Variants in TTC34 observed in about 807,000 individuals in gnomAD.
The protein encoded by TTC34 is tetratricopeptide repeat domain 34.
TTC34 carries 44 observed loss-of-function variants against 40.7 expected under a neutral mutation model. The observed-to-expected ratio is 1.08, with a 90% confidence interval of 0.85 to 1.39. The LOEUF (loss-of-function observed/expected upper bound fraction) is 1.39. TTC34 is among the 40% of genes most tolerant of loss of function. The pLI is 0.00. For missense variants in TTC34, 884 were observed against 838.0 expected, an observed-to-expected ratio of 1.05 and a Z score of -0.68; for synonymous variants, 422 against 398.6, an observed-to-expected ratio of 1.06 and a Z score of -0.70.
chr1:2,751,269 C>G lies in TTC34; in HGVS notation c.2226+32340G>C, dbSNP rs1420295031. On this transcript the variant is annotated intron_variant, in intron 6 of 8. Transcript: ENST00000401095. ...ACACCCCCAGTGAGCATCCGACAGC[C>G]TGGAACAGCACCCACACACCCAGGT... Among the ~76,000 whole-genome samples the G allele has an allele frequency of 3.4e-5, 4 of 119,330 alleles. 1 individual carries two copies. Among genetic ancestry groups the G allele is most frequent in the Non-Finnish European group, 6.8e-5 (4 of 58,480 alleles). 78.3% of individuals were successfully genotyped at this position (119,330 alleles called of 152,430 possible).
chr1:2,792,522 G>T (rs551990260), intron 2 of TTC34, among the ~76,000 whole-genome samples: 1 of 152,322 alleles, frequency 6.6e-6, no homozygotes, highest in East Asian at 1.9e-4. Context: ...CCTCTGAAGA[G>T]AGCTGAGTTT....
intron 6 of TTC34, among the ~76,000 whole-genome samples, chr1:2,655,118 G>A: frequency 1.3e-5 from 2 of 151,926 alleles, no homozygotes; most frequent in Admixed American, 6.5e-5. Context: ...CCAACAGCCT[G>A]GAACAGCACC....
chr1:2,757,803 C>T (rs1641556010), intron 6 of TTC34, among the ~76,000 whole-genome samples: 1 of 148,528 alleles, frequency 6.7e-6, no homozygotes, highest in Admixed American at 6.7e-5. Context: ...TTCCGGCGAG[C>T]ATCCGACAGC....
chr1:2,798,306 C>T, intron 2 of TTC34, among the ~76,000 whole-genome samples: 1 of 104,646 alleles, frequency 9.6e-6, no homozygotes, highest in African/African-American at 3.9e-5. Context: ...CCTCAGCTCC[C>T]CAGCCCCCCA....
At chr1:2,754,641 G>A (rs1490967603) in intron 6 of TTC34, among the ~76,000 whole-genome samples, 1,251 of 17,612 alleles carry the variant, frequency 0.071, no homozygotes, top group Middle Eastern at 0.15. Context: ...ATCTGACAGC[G>A]TGGAGGAGCA....
intron 6 of TTC34, among the ~76,000 whole-genome samples, chr1:2,687,835 C>G (rs1162553783): frequency 1.3e-5 from 2 of 149,554 alleles, no homozygotes; most frequent in African/African-American, 2.5e-5. Flanking sequence ...TGGTCTGGAG[C>G]ATTACCCACA....
chr1:2,780,882 T>C (rs1357045238), intron 6 of TTC34, among the ~76,000 whole-genome samples: 2 of 152,258 alleles, frequency 1.3e-5, no homozygotes, highest in African/African-American at 4.8e-5. Flanking sequence ...AGTCTTCTAA[T>C]ACATGAACAT....
rs1188960490 is a variant in TTC34 at position 2,648,504 on chromosome 1, CTGT to C, written c.2227-2944_2227-2942del. ...CTCTCAGGTCACAGCTCTTTGCTGC[CTGT>C]TGTTTGGTGCCTGGAAACATTTGCT... On this transcript the variant is annotated intron_variant, in intron 6 of 8. Transcript: ENST00000401095. Among the ~76,000 whole-genome samples the C allele has an allele frequency of 1.4e-4, 21 of 152,266 alleles. No individual in the cohort carries two copies. The East Asian group carries it at 4.0e-3, about 29-fold the overall frequency.
chr1:2,695,682 G>T (rs1183206546), intron 6 of TTC34, among the ~76,000 whole-genome samples: 1 of 150,966 alleles, frequency 6.6e-6, no homozygotes, highest in African/African-American at 2.4e-5. Context: ...ACACCCCCAG[G>T]TGAGCATCTG....
chr1:2,793,676 T>C (rs1052692898), intron 2 of TTC34, among the ~76,000 whole-genome samples: 7 of 152,216 alleles, frequency 4.6e-5, no homozygotes, highest in African/African-American at 1.7e-4. Context: ...CATTGAATAA[T>C]GCTCCTTTTC....
At chr1:2,642,317 G>C (rs1638924292) in intron 8 of TTC34, among the ~76,000 whole-genome samples, 1 of 152,078 alleles carries the variant, frequency 6.6e-6, no homozygotes, top group Non-Finnish European at 1.5e-5. Flanking sequence ...CTCCTCCCTC[G>C]GTCCCTCTGG....
At chr1:2,699,185 C>T (rs949497995) in intron 6 of TTC34, among the ~76,000 whole-genome samples, 1 of 149,318 alleles carries the variant, frequency 6.7e-6, no homozygotes, top group Non-Finnish European at 1.5e-5. Context: ...AGGTGAGCAT[C>T]TGACAACCTG....
intron 6 of TTC34, among the ~76,000 whole-genome samples, chr1:2,750,972 GGT>G: frequency 8.4e-6 from 1 of 118,792 alleles, no homozygotes; most frequent in African/African-American, 3.8e-5. Flanking sequence ...CACACCCCCA[GGT>G]GCGCATGTGA....
At chr1:2,786,408 G>A (rs1643589744) in intron 4 of TTC34, among the ~76,000 whole-genome samples, 1 of 152,222 alleles carries the variant, frequency 6.6e-6, no homozygotes, top group Admixed American at 6.5e-5. Context: ...CATAGGTGGG[G>A]GTCCCACAGC....
intron 6 of TTC34, among the ~76,000 whole-genome samples, chr1:2,675,547 G>T (rs1250135552): frequency 7.9e-6 from 1 of 127,316 alleles, no homozygotes; most frequent in African/African-American, 3.0e-5. Flanking sequence ...GTGACAGCCT[G>T]GAAGAGCACC....
chr1:2,692,482 C>G lies in TTC34; in HGVS notation c.2227-46919G>C, dbSNP rs1450593888. ...CCCACACCCCCAGGTGAGCATCTGA[C>G]AGCCTGGAACAGCAGCCTGCACCCC... On this transcript the variant is annotated intron_variant, in intron 6 of 8. Transcript: ENST00000401095. 3.2e-5 allele frequency among the ~76,000 whole-genome samples: 4 copies of G among 125,862 alleles called. 1 individual carries two copies. Among genetic ancestry groups the G allele is most frequent in the Admixed American group, 8.0e-5 (1 of 12,504 alleles). 82.6% of individuals were successfully genotyped at this position (125,862 alleles called of 152,430 possible). A position where few individuals can be genotyped will look rare whatever the true frequency, so the allele number is the denominator to read the frequency against.
rs547079175 is a variant in TTC34 at position 2,684,629 on chromosome 1, A to T, written c.2227-39066T>A. The stretch of plus-strand genomic sequence containing the variant: ...TGAGCATCTGACCGCATGGAATGGC[A>T]TCCTCACCTCCAGGTGAGCATCCGA... On this transcript the variant is annotated intron_variant, in intron 6 of 8. Transcript: ENST00000401095. 2.7e-3 allele frequency among the ~76,000 whole-genome samples: 314 copies of T among 117,738 alleles called. 4 individuals carry two copies. Among genetic ancestry groups the T allele is most frequent in the African/African-American group, 0.013 (307 of 24,094 alleles). 77.2% of individuals were successfully genotyped at this position (117,738 alleles called of 152,430 possible).
chr1:2,800,658 G>A (rs1643761728), exon 2 of TTC34: 1 of 398,546 alleles, frequency 2.5e-6, no homozygotes, highest in East Asian at 3.6e-5. Context: ...GGCCACCACC[G>A]CCGCCCCCCG....
intron 8 of TTC34, among the ~76,000 whole-genome samples, chr1:2,642,507 C>A (rs975562128): frequency 5.4e-4 from 82 of 152,328 alleles, no homozygotes; most frequent in African/African-American, 1.9e-3. Context: ...CCTGCCTGCC[C>A]CCCCCACTCC....
Sources: allele counts gnomAD v4.1 joint callset (sites outside exome capture counted in the v4.1 genomes callset), GRCh38; gene constraint gnomAD v4.1.1; transcripts MANE v1.5; gene names NCBI Gene and HGNC (gene_info 2026-07-23, HGNC 2026-07-21).